CASK: variants seen among roughly 807,000 people sequenced by gnomAD.
The protein encoded by CASK is peripheral plasma membrane protein CASK.
CASK carries 4 observed loss-of-function variants against 82.9 expected under a neutral mutation model. That is an observed-to-expected ratio of 0.05 (90% CI 0.02 to 0.11). The LOEUF (loss-of-function observed/expected upper bound fraction) is 0.11. CASK is among the 10% of genes least tolerant of loss of function. CASK has a pLI of 1.00. For missense variants in CASK, 358 were observed against 720.9 expected (o/e 0.50, Z 5.76); for synonymous variants, 259 against 253.5 (o/e 1.02, Z -0.20).
chrX:41,544,489 CTG>C (rs1406500921), intron 21 of CASK, among the ~76,000 whole-genome samples: 2 of 105,398 alleles, frequency 1.9e-5, no homozygotes, highest in Non-Finnish European at 3.9e-5. Context: ...TTACTTGAGC[CTG>C]AGAGGTGGAG....
At chrX:41,914,805 G>A (rs2072643142) in intron 1 of CASK, among the ~76,000 whole-genome samples, 1 of 111,688 alleles carries the variant, frequency 9.0e-6, no homozygotes, top group African/African-American at 3.3e-5. Flanking sequence ...TCAGAAATCT[G>A]CAAAACACAA....
At position 41,696,257 on chromosome X, in the gene CASK, A is replaced by G. The variant is rs750637900; in HGVS notation, c.430-24727T>C. 3 of 1,201,075 alleles carry G rather than the reference A, an allele frequency of 2.5e-6. No homozygotes were observed. In the African/African-American group the frequency reaches 5.3e-5, roughly 21 times the overall value. The stretch of plus-strand genomic sequence containing the variant: ...ATTCCACAATGTGTTTCCATTACAG[A>G]GATAAGCATAACGCAAAAGGAGAAG... On this transcript the variant is annotated intron_variant, in intron 5 of 26. Transcript: ENST00000378163.
At chrX:41,637,881 C>T (rs1302914566) in intron 8 of CASK, among the ~76,000 whole-genome samples, 1 of 109,982 alleles carries the variant, frequency 9.1e-6, no homozygotes, top group Middle Eastern at 4.7e-3. Flanking sequence ...TGGACTCACA[C>T]GGGGTCCTCC....
chrX:41,777,282 A>C (rs1238110744), intron 3 of CASK, among the ~76,000 whole-genome samples: 1 of 110,703 alleles, frequency 9.0e-6, no homozygotes, highest in Non-Finnish European at 1.9e-5. Flanking sequence ...ACTTGAGGTC[A>C]GGAGTTTGAG....
intron 14 of CASK, among the ~76,000 whole-genome samples, chrX:41,580,861 G>A (rs1423206513): frequency 8.9e-6 from 1 of 112,193 alleles, no homozygotes; most frequent in African/African-American, 3.2e-5. Flanking sequence ...CGTAACAATC[G>A]TGTAATAGGA....
At chrX:41,920,431 A>G (rs1240470653) in intron 1 of CASK, among the ~76,000 whole-genome samples, 2 of 112,159 alleles carry the variant, frequency 1.8e-5, no homozygotes, top group East Asian at 5.6e-4. Context: ...AGATTGAGGA[A>G]CACTATTATT....
intron 1 of CASK, among the ~76,000 whole-genome samples, chrX:41,905,122 T>C (rs1296312418): frequency 1.8e-5 from 2 of 112,437 alleles, no homozygotes; most frequent in African/African-American, 6.5e-5. Context: ...TACCACATTT[T>C]GTTTATCCAT....
At chrX:41,549,112 C>G (rs1569299610) in intron 21 of CASK, among the ~76,000 whole-genome samples, 1 of 111,402 alleles carries the variant, frequency 9.0e-6, no homozygotes, top group African/African-American at 3.3e-5. Flanking sequence ...ATTGATGTGC[C>G]TAGAGTAAGG....
intron 4 of CASK, among the ~76,000 whole-genome samples, chrX:41,741,288 C>T (rs5918234): frequency 0.066 from 7,346 of 111,929 alleles, 231 homozygotes; most frequent in Non-Finnish European, 0.1. Context: ...AGAGACTACA[C>T]CTGTCAAAGT....
intron 3 of CASK, among the ~76,000 whole-genome samples, chrX:41,769,198 C>CTTTTTTTTTTTTT (rs759796998): frequency 1.1e-5 from 1 of 91,567 alleles, no homozygotes; most frequent in Non-Finnish European, 2.2e-5. Context: ...TTTTCTTTTT[C>CTTTTTTTTTTTTT]TTTTTTTTTT....
chrX:41,665,925 T>C (rs1286823034), intron 6 of CASK: 1 of 112,821 alleles, frequency 8.9e-6, no homozygotes. Flanking sequence ...GAGAAAAAAA[T>C]CGGTGGAAAA....
At chrX:41,859,120 C>T (rs1041002573) in intron 1 of CASK, among the ~76,000 whole-genome samples, 7 of 111,453 alleles carry the variant, frequency 6.3e-5, no homozygotes, top group East Asian at 5.6e-4. Context: ...CTTTAATAAA[C>T]GCAATGAAAT....
chrX:41,892,820 A>T (rs1160110723), intron 1 of CASK, among the ~76,000 whole-genome samples: 1 of 112,017 alleles, frequency 8.9e-6, no homozygotes, highest in African/African-American at 3.2e-5. Context: ...TATAACATTT[A>T]AAAAATTGTG....
intron 18 of CASK, chrX:41,558,875 C>T (rs997352361): frequency 2.8e-4 from 31 of 111,787 alleles, no homozygotes; most frequent in African/African-American, 1.0e-3. Context: ...TATTACAATT[C>T]TCTCTCAGGT....
intron 5 of CASK, chrX:41,724,016 T>C (rs1242409097): frequency 8.9e-6 from 1 of 112,261 alleles, no homozygotes; most frequent in Non-Finnish European, 1.9e-5. Context: ...TAAGGAAGTA[T>C]AATATGTATA....
Position 41,787,173 on chromosome X carries a change from C to T in CASK, c.278+5G>A. 1 of 1,052,226 alleles carries T rather than the reference C, an allele frequency of 9.5e-7. No homozygotes were observed. The highest frequency in any genetic ancestry group is 1.3e-6 in the Non-Finnish European group (1 of 749,658). 86.7% of individuals were successfully genotyped at this position (1,052,226 alleles called of 1,213,427 possible). On this transcript the variant is annotated splice_donor_5th_base_variant and intron_variant, in intron 3 of 26. Coordinates refer to ENST00000378163, the MANE Select transcript of CASK (RefSeq NM_001367721.1). ...TACCCTTTAAGAATTAAAATACACA[C>T]TCACAATTCGAAAACCATGTAAAGC... is the stretch of plus-strand genomic sequence containing the variant.
chrX:41,630,962 C>T (rs1221279405), intron 9 of CASK, among the ~76,000 whole-genome samples: 1 of 111,496 alleles, frequency 9.0e-6, no homozygotes, highest in African/African-American at 3.3e-5. Context: ...TGATATGTCT[C>T]CATATAGCCA....
At chrX:41,701,872 A>T (rs2067798852) in intron 5 of CASK, among the ~76,000 whole-genome samples, 1 of 112,311 alleles carries the variant, frequency 8.9e-6, no homozygotes, top group Non-Finnish European at 1.9e-5. Flanking sequence ...ATTGTGATGT[A>T]AGCAGCAACT....
At chrX:41,604,641 A>C (rs2065935232) in intron 12 of CASK, among the ~76,000 whole-genome samples, 1 of 111,482 alleles carries the variant, frequency 9.0e-6, no homozygotes, top group Admixed American at 9.6e-5. Context: ...TTGTTATGGC[A>C]GTCCTAGCAA....
Sources: gnomAD v4.1 joint callset for allele counts (sites outside exome capture counted in the v4.1 genomes callset) on GRCh38, gnomAD v4.1.1 for gene constraint, MANE v1.5 for transcripts, NCBI Gene and HGNC (gene_info 2026-07-23, HGNC 2026-07-21) for gene names.